RBBP5: variants seen among roughly 807,000 people sequenced by gnomAD.
The protein encoded by RBBP5 is RB binding protein 5, histone lysine methyltransferase complex subunit.
Under a neutral mutation model 72.2 loss-of-function variants are expected in RBBP5, and 5 were observed. That is an observed-to-expected ratio of 0.07 (90% confidence interval 0.04 to 0.15). The LOEUF (loss-of-function observed/expected upper bound fraction) is 0.15, where lower values mean the gene tolerates loss of function less well. Ranked by LOEUF, RBBP5 falls within the 10% of genes least tolerant of loss-of-function variation. The probability of loss-of-function intolerance (pLI) is 1.00; values close to 1 mark genes in which losing one functional copy is unlikely to be tolerated. For missense variants in RBBP5, 322 were observed against 652.2 expected (o/e 0.49, Z 5.51); for synonymous variants, 209 against 237.2 (o/e 0.88, Z 1.09).
Position 205,115,874 on chromosome 1 carries a change from C to A in RBBP5, c.29G>T (p.Gly10Val), listed in dbSNP as rs1656498994. Residue 10 changes from glycine (G) to valine (V), a missense_variant, in exon 2 of 14, where the codon GGG becomes GTG. Gly to Val is a moderately radical substitution (Grantham distance 109). Coordinates refer to ENST00000264515, the MANE Select transcript of RBBP5 (RefSeq NM_005057.4). MNLELLESF[G>V]QNYPEEADGT... is the part of the protein sequence containing the mutation. ...TACTCTTACCTCTGGATAGTTCTGCCCAAAGGACTCTGCAACAAAGCAAAG... is the reference window on the plus strand; with the variant it reads ...TACTCTTACCTCTGGATAGTTCTGCACAAAGGACTCTGCAACAAAGCAAAG... 2 of 1,612,822 alleles carry A rather than the reference C, an allele frequency of 1.2e-6. No homozygotes were observed. Among genetic ancestry groups the A allele is most frequent in the South Asian group, 1.1e-5 (1 of 90,982 alleles).
chr1:205,119,886 A>G (rs188219647), intron 1 of RBBP5, among the ~76,000 whole-genome samples: 1 of 152,054 alleles, frequency 6.6e-6, no homozygotes, highest in East Asian at 1.9e-4. Context: ...TCCCCCTCCC[A>G]CTTTTTCTCT....
At chr1:205,117,845 G>A (rs1472624598) in intron 1 of RBBP5, among the ~76,000 whole-genome samples, 3 of 151,562 alleles carry the variant, frequency 2.0e-5, no homozygotes, top group South Asian at 2.1e-4. Context: ...GACAGAGTTC[G>A]CTCTTGTCTC....
At chr1:205,115,967 C>T (rs530072198) in intron 1 of RBBP5, 84 bp from the exon 2 acceptor site, 8 of 1,612,850 alleles carry the variant, frequency 5.0e-6, no homozygotes, top group South Asian at 1.1e-5. Flanking sequence ...ATAGCAGTGG[C>T]TGACAAAACG....
At chr1:205,089,526 G>A (rs995228411) in intron 13 of RBBP5, among the ~76,000 whole-genome samples, 2 of 152,196 alleles carry the variant, frequency 1.3e-5, no homozygotes, top group African/African-American at 4.8e-5. Flanking sequence ...GTGTCATTTG[G>A]AATGGCAGAG....
intron 11 of RBBP5, 81 bp downstream of exon 11, chr1:205,097,245 T>C (rs1286110218): frequency 1.5e-6 from 2 of 1,316,142 alleles, no homozygotes; most frequent in East Asian, 5.0e-5. Flanking sequence ...AATGAAGGGA[T>C]AGCCAGGGAA....
At chr1:205,115,092 G>C (rs1191585674) in intron 2 of RBBP5, 131 bp from the exon 3 acceptor site, 14 of 862,372 alleles carry the variant, frequency 1.6e-5, no homozygotes, top group Non-Finnish European at 2.5e-5. Context: ...TAATCTCTCT[G>C]TGTCTTCTTA....
At position 205,086,915 on chromosome 1, in the gene RBBP5, C is replaced by T. The variant is rs1369938617; in HGVS notation, c.*1872G>A. 6.6e-6 allele frequency: 1 copy of T among 152,196 alleles called. No homozygotes were observed. Among genetic ancestry groups the T allele is most frequent in the African/African-American group, 2.4e-5 (1 of 41,444 alleles). The allele number at this position is 152,196 out of a possible 1,614,324, so 9.4% of individuals were successfully genotyped here. A position where few individuals can be genotyped will look rare whatever the true frequency, so the allele number is the denominator to read the frequency against. On this transcript the variant is annotated 3_prime_UTR_variant, in exon 14 of 14. Transcript: ENST00000264515. ...TGGAATGGATATAATGTCTGCAAAA[C>T]AAAAACATGTCTAGTGAGCCATCTA...
intron 1 of RBBP5, among the ~76,000 whole-genome samples, chr1:205,117,645 A>C (rs1656578682): frequency 6.6e-6 from 1 of 151,844 alleles, no homozygotes; most frequent in African/African-American, 2.4e-5. Context: ...GGGCAACAAG[A>C]GGGAAACTCT....
At chr1:205,090,401 T>C (rs1339063842) in intron 13 of RBBP5, among the ~76,000 whole-genome samples, 1 of 152,232 alleles carries the variant, frequency 6.6e-6, no homozygotes, top group Non-Finnish European at 1.5e-5. Context: ...AGCTACCTTA[T>C]ACTGGAGGGC....
intron 12 of RBBP5, among the ~76,000 whole-genome samples, chr1:205,095,643 T>C (rs374416601): frequency 7.9e-5 from 12 of 152,190 alleles, no homozygotes; most frequent in African/African-American, 2.9e-4. Context: ...GAGAATGGAC[T>C]TTGGAACTAG....
rs1025667349 is a variant in RBBP5 at position 205,099,972 on chromosome 1, C to G, written c.845G>C (p.Ser282Thr). ...RQHALYIWEK[S>T]IGNLVKILHG... ...GAGAATCTTCACCAGGTTGCCAATGCTCTTCTCCCAGATGTACAGGGCATG... is the reference window on the plus strand; with the variant it reads ...GAGAATCTTCACCAGGTTGCCAATGGTCTTCTCCCAGATGTACAGGGCATG... The change falls in exon 8 of 14, where the codon AGC (serine) becomes ACC (threonine). Residue 282 changes from serine (S) to threonine (T), a missense_variant. Ser to Thr is a moderately conservative substitution (Grantham distance 58). Around this residue, in one of 6 missense-constraint regions of RBBP5, gnomAD observed 161 missense variants for 327.8 expected, o/e 0.49. Coordinates refer to ENST00000264515, the MANE Select transcript of RBBP5 (RefSeq NM_005057.4). This position sits in a 1 kb window ranked among gnomAD's most constrained non-coding sequence, Gnocchi z 4.7. The G allele has an allele frequency of 6.2e-7, 1 of 1,614,212 alleles. No homozygotes were observed. The highest frequency in any genetic ancestry group is 8.5e-7 in the Non-Finnish European group (1 of 1,180,034).
At chr1:205,101,798 G>T in intron 5 of RBBP5, 89 bp from the exon 6 acceptor site, 1 of 898,290 alleles carries the variant, frequency 1.1e-6, no homozygotes, top group Admixed American at 2.2e-5. Context: ...CGTAAAGACT[G>T]GGTAAAAATG....
At chr1:205,112,975 A>G (rs560842664) in intron 3 of RBBP5, among the ~76,000 whole-genome samples, 1 of 152,172 alleles carries the variant, frequency 6.6e-6, no homozygotes, top group East Asian at 1.9e-4. Context: ...ATTTTTTAAA[A>G]TTAGCCAGGC....
At chr1:205,098,844 CA>C (rs71147725) in intron 10 of RBBP5, 144 bp downstream of exon 10, 85,823 of 283,164 alleles carry the variant, frequency 0.3, 4,334 homozygotes, top group Non-Finnish European at 0.34. Context: ...AATTCCATCT[CA>C]AAAAAAAAAA....
chr1:205,117,359 C>G (rs1020692146), intron 1 of RBBP5, among the ~76,000 whole-genome samples: 1 of 151,950 alleles, frequency 6.6e-6, no homozygotes, highest in Non-Finnish European at 1.5e-5. Context: ...CGGCCTAGTC[C>G]TTACAAATTT....
At chr1:205,092,418 G>A (rs1413617414) in intron 13 of RBBP5, among the ~76,000 whole-genome samples, 1 of 151,986 alleles carries the variant, frequency 6.6e-6, no homozygotes, top group Non-Finnish European at 1.5e-5. Flanking sequence ...CCAAGTGCTG[G>A]GATTACAGGT....
intron 3 of RBBP5, among the ~76,000 whole-genome samples, chr1:205,107,054 GTA>G (rs137871987): frequency 1.6e-4 from 22 of 138,670 alleles, no homozygotes; most frequent in Middle Eastern, 3.6e-3. Context: ...GTGTGTATAT[GTA>G]TGTGTGTGTG....
intron 12 of RBBP5, 78 bp from the exon 13 acceptor site, chr1:205,095,142 G>T: frequency 5.1e-6 from 7 of 1,363,616 alleles, no homozygotes; most frequent in Non-Finnish European, 7.2e-6. Flanking sequence ...GTTGAGCAAA[G>T]AATGTTGCTT....
chr1:205,100,933 A>C (rs779908585), intron 6 of RBBP5, among the ~76,000 whole-genome samples: 5 of 152,078 alleles, frequency 3.3e-5, no homozygotes, highest in African/African-American at 1.2e-4. Flanking sequence ...GGAGTGTACA[A>C]CCTAGATCCC....
Sources: gnomAD v4.1 joint callset for allele counts (sites outside exome capture counted in the v4.1 genomes callset) on GRCh38, gnomAD v4.1.1 for gene constraint, gnomAD v4.1.1 regional missense constraint, Gnocchi (gnomAD v3.1) non-coding constraint, MANE v1.5 for transcripts, NCBI Gene and HGNC (gene_info 2026-07-23, HGNC 2026-07-21) for gene names.